Variants in PRRC2C observed in about 807,000 individuals in gnomAD.
The protein encoded by PRRC2C is protein PRRC2C.
Under a neutral mutation model 317.2 loss-of-function variants are expected in PRRC2C, and 72 were observed. The observed-to-expected ratio is 0.23, with a 90% confidence interval of 0.19 to 0.28. The LOEUF is 0.28. PRRC2C is among the 10% of genes least tolerant of loss of function. The probability of loss-of-function intolerance (pLI) is 1.00; values close to 1 mark genes in which losing one functional copy is unlikely to be tolerated. For synonymous variants in PRRC2C, 1,296 were observed against 1,205.9 expected, an observed-to-expected ratio of 1.07 and a Z score of -1.55; for missense variants, 3,074 against 3,459.7, an observed-to-expected ratio of 0.89 and a Z score of 2.80.
chr1:171,517,869 C>G lies in PRRC2C; in HGVS notation c.750+55C>G. On this transcript the variant is annotated intron_variant, in intron 6 of 34. Coordinates refer to ENST00000647382, the MANE Select transcript of PRRC2C (RefSeq NM_001387844.1). ...AACAAGTGGTTTTTGATCTGGGGTC[C>G]AAGGAGCGAATTGTTATAGGGAAAA... 9 of 1,484,388 alleles carry G rather than the reference C, an allele frequency of 6.1e-6. No homozygotes were observed. The South Asian group carries it at 9.5e-5, about 16-fold the overall frequency. The allele number at this position is 1,484,388 out of a possible 1,614,324, so 92.0% of individuals were successfully genotyped here.
intron 1 of PRRC2C, among the ~76,000 whole-genome samples, chr1:171,498,865 G>A (rs189797098): frequency 1.3e-5 from 2 of 152,208 alleles, no homozygotes; most frequent in African/African-American, 2.4e-5. Flanking sequence ...CAGCAGTTGC[G>A]ATCATCGCTC....
At chr1:171,555,754 A>G (rs531440454) in intron 18 of PRRC2C, among the ~76,000 whole-genome samples, 160 of 152,316 alleles carry the variant, frequency 1.1e-3, no homozygotes, top group African/African-American at 3.6e-3. Context: ...AATTTGCTGG[A>G]GGTCCACTGC....
At chr1:171,499,624 T>C (rs1571592796) in intron 1 of PRRC2C, among the ~76,000 whole-genome samples, 1 of 152,004 alleles carries the variant, frequency 6.6e-6, no homozygotes, top group South Asian at 2.1e-4. Flanking sequence ...GCCAACATGG[T>C]GAAACCCTGT....
chr1:171,589,254 T>C (rs542421820), intron 33 of PRRC2C, 115 bp from the exon 34 acceptor site: 1 of 448,352 alleles, frequency 2.2e-6, no homozygotes, highest in East Asian at 7.0e-5. Flanking sequence ...TTCCTTTCAC[T>C]GGTAGGATGG....
rs535144196 is a variant in PRRC2C, at chr1:171,488,776, A to G, written c.-58+3041A>G. Among the ~76,000 whole-genome samples the G allele has an allele frequency of 2.6e-5, 4 of 152,316 alleles. 1 individual carries two copies. The highest frequency in any genetic ancestry group is 1.9e-4 in the East Asian group (1 of 5,182). On this transcript the variant is annotated intron_variant, in intron 1 of 34. Coordinates refer to ENST00000647382, the MANE Select transcript of PRRC2C (RefSeq NM_001387844.1). ...GGAAATTTTTATCTGATTGGCAGAC[A>G]TGATTAACTAGACTCTTAGACTGTT... is the stretch of plus-strand genomic sequence containing the variant.
chr1:171,553,331 G>A lies in PRRC2C; in HGVS notation c.5127+3091G>A, dbSNP rs141600863. Reference sequence around the variant, plus strand: ...TATCCCCTTTATCAATTTTTATTGCGTCTATTTGATTCTTCTCTCTTTTCT... The same window carrying A: ...TATCCCCTTTATCAATTTTTATTGCATCTATTTGATTCTTCTCTCTTTTCT... On this transcript the variant is annotated intron_variant, in intron 18 of 34. Coordinates refer to ENST00000647382, the MANE Select transcript of PRRC2C (RefSeq NM_001387844.1). Among the ~76,000 whole-genome samples, 705 of 151,844 alleles carry A rather than the reference G, an allele frequency of 4.6e-3. 5 individuals carry two copies. The highest frequency in any genetic ancestry group is 0.022 in the East Asian group (114 of 5,178).
intron 28 of PRRC2C, among the ~76,000 whole-genome samples, 185 bp from the exon 29 acceptor site, chr1:171,583,771 G>C (rs1446479060): frequency 6.6e-6 from 1 of 152,158 alleles, no homozygotes; most frequent in African/African-American, 2.4e-5. Context: ...ATGTCACTAG[G>C]TGATAGGAAT....
In PRRC2C at chr1:171,560,502, T is replaced by G. The variant is rs185853257; in HGVS notation, c.6032-516T>G. 3.3e-5 allele frequency among the ~76,000 whole-genome samples: 5 copies of G among 152,308 alleles called. No homozygotes were observed. In the East Asian group the frequency reaches 9.6e-4, roughly 29 times the overall value. ...AGTCAGTTGATGTTACAGACTTCATTGTTGTCTTATTTTAAGTAACTGCCA... is the reference window on the plus strand; with the variant it reads ...AGTCAGTTGATGTTACAGACTTCATGGTTGTCTTATTTTAAGTAACTGCCA... On this transcript the variant is annotated intron_variant, in intron 19 of 34. Coordinates refer to ENST00000647382, the MANE Select transcript of PRRC2C (RefSeq NM_001387844.1).
At chr1:171,574,636 T>C (rs1685382197) in intron 24 of PRRC2C, among the ~76,000 whole-genome samples, 1 of 152,090 alleles carries the variant, frequency 6.6e-6, no homozygotes, top group South Asian at 2.1e-4. Context: ...ATGGAGAGAA[T>C]GGATATTTAC....
intron 24 of PRRC2C, among the ~76,000 whole-genome samples, chr1:171,571,944 A>G (rs1231383724): frequency 6.6e-6 from 1 of 152,132 alleles, no homozygotes; most frequent in Non-Finnish European, 1.5e-5. Flanking sequence ...TTTTTTGGAT[A>G]ATTATTTAAT....
At chr1:171,498,949 A>T (rs968700432) in intron 1 of PRRC2C, among the ~76,000 whole-genome samples, 43 of 152,244 alleles carry the variant, frequency 2.8e-4, no homozygotes, top group Non-Finnish European at 3.4e-4. Flanking sequence ...CGGGGACTAT[A>T]AACATACTCT....
chr1:171,592,030 A>C lies in PRRC2C; in HGVS notation c.*183A>C. 1 of 716,362 alleles carries C rather than the reference A, an allele frequency of 1.4e-6. No individual in the cohort carries two copies. The highest frequency in any genetic ancestry group is 2.7e-5 in the East Asian group (1 of 37,698). The allele number at this position is 716,362 out of a possible 1,614,324, so 44.4% of individuals were successfully genotyped here. Reference sequence around the variant, plus strand: ...CACAGCTGCTGTACCAGTGAAAACGAGGCTTTGCAAGCTTGTACCTACTAT... The same window carrying C: ...CACAGCTGCTGTACCAGTGAAAACGCGGCTTTGCAAGCTTGTACCTACTAT... On this transcript the variant is annotated 3_prime_UTR_variant, in exon 35 of 35. Transcript: ENST00000647382.
At chr1:171,555,848 C>T (rs1415462696) in intron 18 of PRRC2C, among the ~76,000 whole-genome samples, 1 of 151,950 alleles carries the variant, frequency 6.6e-6, no homozygotes, top group Admixed American at 6.6e-5. Flanking sequence ...CTGGAAGCCT[C>T]GGTCTCCCAG....
At position 171,558,036 on chromosome 1, in the gene PRRC2C, C is replaced by A. The variant is rs746127461; in HGVS notation, c.5924C>A (p.Ala1975Asp). 8.1e-6 allele frequency: 13 copies of A among 1,613,872 alleles called. No individual in the cohort carries two copies. The Admixed American group carries it at 1.3e-4, about 17-fold the overall frequency. ...ACACCTAATGGCACAGATTATGTAG[C>A]CTCAGGAAAATCCATCCAGACCCCA... ...AQTPNGTDYV[A>D]SGKSIQTPQS... The change falls in exon 19 of 35, where the codon GCC (alanine) becomes GAC (aspartate). Residue 1975 changes from alanine (A) to aspartate (D), a missense_variant. Physicochemically the swap from Ala to Asp is moderately radical, Grantham distance 126 (BLOSUM62 -2). Transcript: ENST00000647382.
At position 171,537,259 on chromosome 1, in the gene PRRC2C, A is replaced by T; in HGVS notation, c.2294-4A>T. 6.3e-7 allele frequency: 1 copy of T among 1,575,690 alleles called. No homozygotes were observed. Among genetic ancestry groups the T allele is most frequent in the Non-Finnish European group, 8.6e-7 (1 of 1,158,176 alleles). ...TTTCACCTTTTTCTGAACTTTTGTTACAGGAATGATTCCTCCTAAACCATT... is the reference window on the plus strand; with the variant it reads ...TTTCACCTTTTTCTGAACTTTTGTTTCAGGAATGATTCCTCCTAAACCATT... On this transcript the variant is annotated splice_polypyrimidine_tract_variant and splice_region_variant and intron_variant, in intron 14 of 34. Coordinates refer to ENST00000647382, the MANE Select transcript of PRRC2C (RefSeq NM_001387844.1).
At chr1:171,564,470 A>G (rs891198049) in intron 20 of PRRC2C, among the ~76,000 whole-genome samples, 3 of 152,206 alleles carry the variant, frequency 2.0e-5, no homozygotes, top group Non-Finnish European at 4.4e-5. Context: ...TTCTAATACT[A>G]CTGTACACTT....
At chr1:171,567,022 G>A (rs1683791552) in intron 22 of PRRC2C, among the ~76,000 whole-genome samples, 179 bp downstream of exon 22, 1 of 152,086 alleles carries the variant, frequency 6.6e-6, no homozygotes, top group Non-Finnish European at 1.5e-5. Context: ...GTTCTTTATA[G>A]CAAATTATAT....
At chr1:171,575,249 C>T (rs1685504246) in intron 25 of PRRC2C, 121 bp downstream of exon 25, 1 of 998,164 alleles carries the variant, frequency 1.0e-6, no homozygotes, top group Admixed American at 2.6e-5. Flanking sequence ...CCCACCTCAG[C>T]CTCCCAAAGT....
At chr1:171,503,637 A>G (rs1669596637) in intron 1 of PRRC2C, among the ~76,000 whole-genome samples, 1 of 152,146 alleles carries the variant, frequency 6.6e-6, no homozygotes, top group Non-Finnish European at 1.5e-5. Flanking sequence ...AATTTTAGCA[A>G]TTGTATTGGA....
Sources: allele counts gnomAD v4.1 joint callset (sites outside exome capture counted in the v4.1 genomes callset), GRCh38; gene constraint gnomAD v4.1.1; transcripts MANE v1.5; gene names NCBI Gene and HGNC (gene_info 2026-07-23, HGNC 2026-07-21).